TAF5L: variants seen among roughly 807,000 people sequenced by gnomAD.
TAF5L encodes the protein TAF5-like RNA polymerase II p300/CBP-associated factor-associated factor 65 kDa subunit 5L.
A neutral mutation model predicts 51.3 loss-of-function variants in TAF5L; 7 were observed. The ratio of observed to expected loss-of-function variants is 0.14; its 90% CI spans 0.08 to 0.26. The LOEUF (loss-of-function observed/expected upper bound fraction) is 0.26, where lower values mean the gene tolerates loss of function less well. Among genes scored for constraint, TAF5L ranks in the 10% least tolerant of loss-of-function variants. The probability of loss-of-function intolerance (pLI) is 1.00; values close to 1 mark genes in which losing one functional copy is unlikely to be tolerated. For missense variants in TAF5L, 575 were observed against 758.9 expected (o/e 0.76, Z 2.85); for synonymous variants, 291 against 308.1 (o/e 0.94, Z 0.58).
chr1:229,595,918 G>C (rs938321009), intron 4 of TAF5L, among the ~76,000 whole-genome samples: 1 of 152,154 alleles, frequency 6.6e-6, no homozygotes, highest in South Asian at 2.1e-4. Context: ...GCCCGCCTTG[G>C]CCTCCCAAAG....
intron 4 of TAF5L, 103 bp from the exon 5 acceptor site, chr1:229,595,197 A>G: frequency 8.1e-7 from 1 of 1,232,756 alleles, no homozygotes; most frequent in South Asian, 1.5e-5. Context: ...GAGAACTGAG[A>G]CTGCTTGGGA....
intron 3 of TAF5L, chr1:229,606,147 GT>G: frequency 7.1e-6 from 7 of 985,332 alleles, no homozygotes; most frequent in Non-Finnish European, 8.4e-6. Context: ...CAGCTCATAG[GT>G]TCAAAATTGC....
rs1027839496 is a variant in TAF5L, at chr1:229,594,973, G to C, written c.1094C>G (p.Ser365Cys). Residue 365 changes from serine to cysteine, a missense_variant, in exon 5 of 5, where the codon TCC (serine) becomes TGC (cysteine). This residue lies in a region of TAF5L where 104 missense variants were observed against 218.3 expected (regional missense o/e 0.48). Transcript: ENST00000258281. The surrounding 1 kb of genome is among the most constrained non-coding windows in gnomAD (Gnocchi z 7.9). ...ACTCCCCAGATCCCAGTATCTGATG[G>C]ACATGTCTTCAGAACAAGAGAGCAA... is the stretch of plus-strand genomic sequence containing the variant. The C allele has an allele frequency of 6.2e-7, 1 of 1,614,084 alleles. No individual in the cohort carries two copies.
At chr1:229,595,234 T>C (rs1443996692) in intron 4 of TAF5L, 140 bp from the exon 5 acceptor site, 1 of 882,846 alleles carries the variant, frequency 1.1e-6, no homozygotes, top group Non-Finnish European at 1.7e-6. Flanking sequence ...CAAATGACAG[T>C]GGCCTTGCCC....
Position 229,594,074 on chromosome 1 carries a change from C to CT in TAF5L, c.*222dup, listed in dbSNP as rs1318809136. On this transcript the variant is annotated 3_prime_UTR_variant, in exon 5 of 5. Coordinates refer to ENST00000258281, the Ensembl canonical transcript of TAF5L. This position sits in a 1 kb window ranked among gnomAD's most constrained non-coding sequence, Gnocchi z 7.9. The stretch of plus-strand genomic sequence containing the variant: ...ACTTGTGAGTGACCTCCAGGGCACT[C>CT]TAATTCTTGATCACTCATCATTGCC... The CT allele has an allele frequency of 5.5e-6, 3 of 544,556 alleles. No homozygotes were observed. The African/African-American group carries it at 5.7e-5, about 10-fold the overall frequency. The allele number at this position is 544,556 out of a possible 1,614,324, so 33.7% of individuals were successfully genotyped here.
chr1:229,600,166 TA>T, intron 4 of TAF5L: 1 of 985,472 alleles, frequency 1.0e-6, no homozygotes, highest in Non-Finnish European at 1.2e-6. Flanking sequence ...CCAACTATCG[TA>T]ACTAATTTAT....
At chr1:229,606,175 G>C (rs1476244059) in intron 3 of TAF5L, 3 of 985,208 alleles carry the variant, frequency 3.0e-6, no homozygotes, top group Non-Finnish European at 3.6e-6. Flanking sequence ...GCTCTCTCTT[G>C]TCTGAAGAGA....
intron 1 of TAF5L, among the ~76,000 whole-genome samples, chr1:229,619,586 T>A (rs374426757): frequency 2.0e-5 from 3 of 152,130 alleles, no homozygotes; most frequent in Non-Finnish European, 4.4e-5. Flanking sequence ...AGAAGTCTTG[T>A]TTCATCAACT....
At chr1:229,600,060 ATTCAATAT>A in intron 4 of TAF5L, 2 of 976,964 alleles carry the variant, frequency 2.0e-6, no homozygotes, top group Non-Finnish European at 2.4e-6. Flanking sequence ...TTTTTTTAAT[ATTCAATAT>A]TTCATTTCAA....
intron 4 of TAF5L, among the ~76,000 whole-genome samples, chr1:229,598,976 C>G (rs1029494181): frequency 1.3e-5 from 2 of 152,118 alleles, no homozygotes; most frequent in African/African-American, 2.4e-5. Context: ...AGATTACAGG[C>G]GTGAGCCACC....
intron 3 of TAF5L, 82 bp from the exon 4 acceptor site, chr1:229,603,001 A>G: frequency 6.8e-7 from 1 of 1,477,608 alleles, no homozygotes; most frequent in Admixed American, 2.5e-5. Context: ...CACCACCATC[A>G]TATAATGCTT....
Position 229,601,147 on chromosome 1 carries a change from C to T in TAF5L, c.972+1048G>A, listed in dbSNP as rs189305624. 3 of 985,190 alleles carry T rather than the reference C, an allele frequency of 3.0e-6. No homozygotes were observed. In the African/African-American group the frequency reaches 5.2e-5, roughly 17 times the overall value. 61.0% of individuals were successfully genotyped at this position (985,190 alleles called of 1,614,324 possible). On this transcript the variant is annotated intron_variant, in intron 4 of 4. Coordinates refer to ENST00000258281, the Ensembl canonical transcript of TAF5L. ...CAAGGAAATCCTTCAATTATACTGT[C>T]TCGGTTGCAAGAATCAAAAATTCAA...
At position 229,622,160 on chromosome 1, in the gene TAF5L, C is replaced by T. The variant is rs12076979; in HGVS notation, c.-4+3725G>A. ...CATTTAACACTTGCACTTTGTGATA[C>T]CCCCCACCCCCATCAGGAAGAATGA... On this transcript the variant is annotated intron_variant, in intron 1 of 4. Transcript: ENST00000258281. Among the ~76,000 whole-genome samples, 871 of 151,468 alleles carry T rather than the reference C, an allele frequency of 5.8e-3. 7 individuals are homozygous for T. Among genetic ancestry groups the T allele is most frequent in the African/African-American group, 0.02 (824 of 41,212 alleles).
At chr1:229,597,007 C>T (rs1220753146) in intron 4 of TAF5L, among the ~76,000 whole-genome samples, 1 of 152,150 alleles carries the variant, frequency 6.6e-6, no homozygotes, top group Non-Finnish European at 1.5e-5. Flanking sequence ...AAACACTCAA[C>T]ATTAAAAATA....
intron 2 of TAF5L, among the ~76,000 whole-genome samples, chr1:229,611,236 T>C (rs1005601658): frequency 1.3e-5 from 2 of 152,162 alleles, no homozygotes; most frequent in East Asian, 3.8e-4. Context: ...ATATTCAGTA[T>C]GTAAACACAC....
At position 229,605,868 on chromosome 1, in the gene TAF5L, T is replaced by G. The variant is rs551717268; in HGVS notation, c.248-2949A>C. ...TTTGAATGTGCCAAGCCTCCACAAT[T>G]GCATGGAACAATTCCTTAAAGTAAA... On this transcript the variant is annotated intron_variant, in intron 3 of 4. Coordinates refer to ENST00000258281, the Ensembl canonical transcript of TAF5L. Among the ~76,000 whole-genome samples, 6 of 152,344 alleles carry G rather than the reference T, an allele frequency of 3.9e-5. No individual in the cohort carries two copies. The South Asian group carries it at 1.0e-3, about 26-fold the overall frequency.
chr1:229,595,072 C>A (rs1173295742), exon 5 of TAF5L: 2 of 1,602,584 alleles, frequency 1.2e-6, no homozygotes, highest in Non-Finnish European at 1.7e-6. Flanking sequence ...CATCTCCGTG[C>A]CTGCATTATC....
rs1664153875 is a variant in TAF5L at position 229,597,140 on chromosome 1, A to G, written c.973-2046T>C. On this transcript the variant is annotated intron_variant, in intron 4 of 4. Coordinates refer to ENST00000258281, the Ensembl canonical transcript of TAF5L. ...AGAATGACTCACTGCTCTACACCAG[A>G]AAGTTTATATAAAGACTGTGGGAAC... 5.9e-5 allele frequency among the ~76,000 whole-genome samples: 9 copies of G among 152,370 alleles called. No individual in the cohort carries two copies. The South Asian group carries it at 1.9e-3, about 32-fold the overall frequency.
intron 1 of TAF5L, among the ~76,000 whole-genome samples, chr1:229,617,874 G>A (rs1665064449): frequency 6.6e-6 from 1 of 152,172 alleles, no homozygotes; most frequent in Non-Finnish European, 1.5e-5. Context: ...TACCATTTAT[G>A]ATAAGGGCGC....
Sources: gnomAD v4.1 joint callset for allele counts (sites outside exome capture counted in the v4.1 genomes callset) on GRCh38, gnomAD v4.1.1 for gene constraint, gnomAD v4.1.1 regional missense constraint, Gnocchi (gnomAD v3.1) non-coding constraint, MANE v1.5 for transcripts, NCBI Gene and HGNC (gene_info 2026-07-23, HGNC 2026-07-21) for gene names.